QARS1: variants seen among roughly 807,000 people sequenced by gnomAD.
QARS1 encodes the protein glutamine--tRNA ligase.
A neutral mutation model predicts 106.9 loss-of-function variants in QARS1; 79 were observed. The ratio of observed to expected loss-of-function variants is 0.74; its 90% CI spans 0.62 to 0.89. The LOEUF is 0.89. QARS1 is among the 40% of genes least tolerant of loss of function. The pLI, the probability that QARS1 is intolerant of heterozygous loss-of-function variation, is 0.00. For synonymous variants in QARS1, 395 were observed against 367.7 expected (o/e 1.07, Z -0.85); for missense variants, 966 against 997.2 (o/e 0.97, Z 0.42).
In QARS1 at chr3:49,098,693, C is replaced by G; in HGVS notation, c.1864-1G>C. The G allele has an allele frequency of 6.3e-7, 1 of 1,591,056 alleles. No homozygotes were observed. ...GGCGCTTAAATCCTGGCTCTGGCTC[C>G]TAGAGATAGGAAGTGGGGTAGACAC... On this transcript the variant is annotated splice_acceptor_variant, in intron 19 of 23. Coordinates refer to ENST00000306125, the MANE Select transcript of QARS1 (RefSeq NM_005051.3). LOFTEE classifies it high-confidence loss of function.
chr3:49,098,897 A>G lies in QARS1; in HGVS notation c.1851T>C (p.Thr617=), dbSNP rs1231678317. 1.9e-6 allele frequency: 3 copies of G among 1,612,900 alleles called. No individual in the cohort carries two copies. Among genetic ancestry groups the G allele is most frequent in the Non-Finnish European group, 2.5e-6 (3 of 1,178,974 alleles). The change falls in exon 19 of 24, where the codon ACT becomes ACC. Residue 617 remains threonine (T), a synonymous_variant. Coordinates refer to ENST00000306125, the MANE Select transcript of QARS1 (RefSeq NM_005051.3). ...PFAPIVFIER[T]DFKEEPEPGF... Reference sequence around the variant, plus strand: ...CCCCACAATTTACCTCCTTGAAGTCAGTCCTCTCAATGAAGACAATGGGTG... The same window carrying G: ...CCCCACAATTTACCTCCTTGAAGTCGGTCCTCTCAATGAAGACAATGGGTG...
intron 19 of QARS1, 73 bp downstream of exon 19, chr3:49,098,810 GAC>G: frequency 6.7e-7 from 1 of 1,502,598 alleles, no homozygotes; most frequent in East Asian, 2.3e-5. Flanking sequence ...TAGATGGACT[GAC>G]AGAGATGAGG....
chr3:49,100,227 C>G lies in QARS1; in HGVS notation c.1127G>C (p.Arg376Thr). The G allele has an allele frequency of 6.2e-7, 1 of 1,614,244 alleles. No individual in the cohort carries two copies. The highest frequency in any genetic ancestry group is 8.5e-7 in the Non-Finnish European group (1 of 1,180,050). The change falls in exon 13 of 24, where the codon AGA becomes ACA. Residue 376 changes from arginine to threonine, a missense_variant. Physicochemically the swap from Arg to Thr is moderately conservative, Grantham distance 71 (BLOSUM62 -1). Transcript: ENST00000306125. ...KGHNTLPSPW[R>T]DRPMEESLLL... ...CAGTGACTCCTCCATGGGACGGTCTCTCCAGGGTGAAGGCAGAGTATTATG... is the reference window on the plus strand; with the variant it reads ...CAGTGACTCCTCCATGGGACGGTCTGTCCAGGGTGAAGGCAGAGTATTATG...
chr3:49,100,508 GGGCAGGCCATGGCCCAA>G, intron 11 of QARS1, 50 bp from the exon 12 acceptor site: 1 of 1,604,416 alleles, frequency 6.2e-7, no homozygotes. Flanking sequence ...AACACCCAGT[GGGCAGGCCATGGCCCAA>G]GGAGAGGCCC....
intron 23 of QARS1, 21 bp downstream of exon 23, chr3:49,097,971 C>A (rs1288104310): frequency 6.2e-7 from 1 of 1,613,662 alleles, no homozygotes; most frequent in Non-Finnish European, 8.5e-7. Context: ...CAGATGAGGG[C>A]AGGTGAGTAA....
In QARS1 at chr3:49,095,932, T is replaced by C; in HGVS notation, c.*97A>G. ...AGAAGTGCAGAGATAACACACAGAC[T>C]CTAGGAGAATTTAGCTGTTCTTTAT... On this transcript the variant is annotated 3_prime_UTR_variant, in exon 24 of 24. Transcript: ENST00000306125. 1 of 1,172,518 alleles carries C rather than the reference T, an allele frequency of 8.5e-7. No homozygotes were observed. The highest frequency in any genetic ancestry group is 1.4e-5 in the South Asian group (1 of 73,882). 72.6% of individuals were successfully genotyped at this position (1,172,518 alleles called of 1,614,324 possible).
rs201781920 is a variant in QARS1, at chr3:49,098,368, C to T, written c.2069G>A (p.Arg690His). 100 of 1,614,174 alleles carry T rather than the reference C, an allele frequency of 6.2e-5. No homozygotes were observed. In the South Asian group the frequency reaches 7.7e-4, roughly 12 times the overall value. The change falls in exon 21 of 24, where the codon CGC becomes CAC. Residue 690 changes from arginine (R) to histidine (H), a missense_variant. Transcript: ENST00000306125. ...GTTCACTCACAGTCGCTCATAGAGG[C>T]GAACCTCACACATCAAAGGCTGTGA... is the stretch of plus-strand genomic sequence containing the variant. The part of the protein sequence containing the change: ...WVSQPLMCEV[R>H]LYERLFQHKN...
intron 10 of QARS1, 74 bp downstream of exon 10, chr3:49,101,281 G>T: frequency 1.7e-6 from 2 of 1,177,890 alleles, no homozygotes; most frequent in Non-Finnish European, 2.5e-6. Context: ...AGACAGCAAG[G>T]CAGGGATATG....
rs1392701995 is a variant in QARS1, at chr3:49,104,315, G to A, written c.265+9C>T. 1.9e-6 allele frequency: 3 copies of A among 1,613,758 alleles called. No individual in the cohort carries two copies. Among genetic ancestry groups the A allele is most frequent in the Non-Finnish European group, 2.5e-6 (3 of 1,179,858 alleles). ...TGGTGCGAACTGGCAGGACAGGTAG[G>A]GGTCTCACCGCTTAGCTGGGGCTCA... On this transcript the variant is annotated intron_variant, in intron 2 of 23. Transcript: ENST00000306125.
rs1323390904 is a variant in QARS1, at chr3:49,100,594, A to G, written c.957T>C (p.Cys319=). ...KEEAKFFTAI[C]DMVAWLGYTP... ...CCATACCTAGCCAGGCTACCATGTC[A>G]CAGATGGCCGTGAAGAACTTTGCTT... The change falls in exon 11 of 24, where the codon TGT becomes TGC. Residue 319 remains cysteine (C), a synonymous_variant. Transcript: ENST00000306125. The G allele has an allele frequency of 4.4e-6, 7 of 1,607,258 alleles. No homozygotes were observed. The highest frequency in any genetic ancestry group is 1.3e-5 in the African/African-American group (1 of 74,758).
intron 23 of QARS1, among the ~76,000 whole-genome samples, chr3:49,096,716 C>T (rs2042395802): frequency 1.4e-5 from 2 of 143,004 alleles, no homozygotes; most frequent in East Asian, 2.1e-4. Flanking sequence ...GGGAGAATGG[C>T]GTGAACCCGG....
chr3:49,098,207 T>C lies in QARS1; in HGVS notation c.2136A>G (p.Leu712=), dbSNP rs376686675. Reference sequence around the variant, plus strand: ...ATGAACCTACCAGGTTCAGGTCACTTAAAAATCCACCAGGCACCTCAGTAG... The same window carrying C: ...ATGAACCTACCAGGTTCAGGTCACTCAAAAATCCACCAGGCACCTCAGTAG... ...EDPTEVPGGF[L]SDLNLASLHV... is the part of the protein sequence containing the mutation. Residue 712 remains leucine (L), a synonymous_variant, in exon 22 of 24, where the codon TTA becomes TTG. Transcript: ENST00000306125. 1.3e-5 allele frequency: 21 copies of C among 1,613,826 alleles called. No individual in the cohort carries two copies. The highest frequency in any genetic ancestry group is 1.8e-5 in the Non-Finnish European group (21 of 1,179,774).
chr3:49,096,319 T>C (rs1318980247), intron 23 of QARS1, among the ~76,000 whole-genome samples: 2 of 152,192 alleles, frequency 1.3e-5, no homozygotes, highest in Non-Finnish European at 2.9e-5. Flanking sequence ...AGGGTATAGT[T>C]TTATATGGAT....
intron 4 of QARS1, 56 bp downstream of exon 4, chr3:49,103,575 A>G: frequency 6.3e-7 from 1 of 1,588,398 alleles, no homozygotes; most frequent in Non-Finnish European, 8.6e-7. Flanking sequence ...ACTCGTGCCC[A>G]GAAGAAAAGG....
chr3:49,097,945 G>A, intron 23 of QARS1, 47 bp downstream of exon 23: 1 of 1,611,646 alleles, frequency 6.2e-7, no homozygotes, highest in Non-Finnish European at 8.5e-7. Flanking sequence ...ATGAACGGCA[G>A]CCACTGTCAC....
At position 49,101,724 on chromosome 3, in the gene QARS1, G is replaced by A; in HGVS notation, c.704-19C>T. On this transcript the variant is annotated intron_variant, in intron 8 of 23. Coordinates refer to ENST00000306125, the MANE Select transcript of QARS1 (RefSeq NM_005051.3). ...TTCTCACCTGCCAGGACCAGAATAA[G>A]CCTAAGGACCAGGCTGCAGCCAAAG... 1.2e-6 allele frequency: 2 copies of A among 1,613,904 alleles called. No individual in the cohort carries two copies. Among genetic ancestry groups the A allele is most frequent in the Non-Finnish European group, 1.7e-6 (2 of 1,179,862 alleles).
Position 49,096,006 on chromosome 3 carries a change from G to A in QARS1, c.*23C>T, listed in dbSNP as rs768954334. The stretch of plus-strand genomic sequence containing the variant: ...GGGTAGCCACACCCTCCAGGAGGAT[G>A]AGGTAGGTTCAGTGCTTCCAGCTCA... On this transcript the variant is annotated 3_prime_UTR_variant, in exon 24 of 24. Coordinates refer to ENST00000306125, the MANE Select transcript of QARS1 (RefSeq NM_005051.3). The A allele has an allele frequency of 2.5e-6, 4 of 1,612,368 alleles. No individual in the cohort carries two copies. The highest frequency in any genetic ancestry group is 2.2e-5 in the East Asian group (1 of 44,890).
At chr3:49,098,536 C>T in intron 20 of QARS1, 56 bp from the exon 21 acceptor site, 2 of 1,612,640 alleles carry the variant, frequency 1.2e-6, no homozygotes, top group Non-Finnish European at 1.7e-6. Flanking sequence ...ACCAGGACTG[C>T]AGGCTATACT....
chr3:49,100,691 A>G lies in QARS1; in HGVS notation c.877-17T>C, dbSNP rs374002070. On this transcript the variant is annotated splice_polypyrimidine_tract_variant and intron_variant, in intron 10 of 23. Coordinates refer to ENST00000306125, the MANE Select transcript of QARS1 (RefSeq NM_005051.3). ...ATTGTTGGCCTAGGAAAGTTGCACC[A>G]TCTGTGAACTCCCACATCATCCATC... is the stretch of plus-strand genomic sequence containing the variant. 2,392 of 1,524,274 alleles carry G rather than the reference A, an allele frequency of 1.6e-3. 2 individuals carry two copies. Among genetic ancestry groups the G allele is most frequent in the Non-Finnish European group, 2.1e-3 (2,293 of 1,098,194 alleles). The allele number at this position is 1,524,274 out of a possible 1,614,324, so 94.4% of individuals were successfully genotyped here. A position where few individuals can be genotyped will look rare whatever the true frequency, so the allele number is the denominator to read the frequency against.
Sources: allele counts gnomAD v4.1 joint callset (sites outside exome capture counted in the v4.1 genomes callset), GRCh38; gene constraint gnomAD v4.1.1; transcripts MANE v1.5; gene names NCBI Gene and HGNC (gene_info 2026-07-23, HGNC 2026-07-21).